Variants in ATE1 observed in about 807,000 individuals in gnomAD.
ATE1 encodes the protein arginyl-tRNA--protein transferase 1.
Under a neutral mutation model 70.5 loss-of-function variants are expected in ATE1, and 36 were observed. That is an observed-to-expected ratio of 0.51 (90% CI 0.39 to 0.67). The LOEUF (loss-of-function observed/expected upper bound fraction) is 0.67. ATE1 is among the 30% of genes least tolerant of loss of function. The pLI is 0.00. For missense variants in ATE1, 593 were observed against 629.5 expected (o/e 0.94, Z 0.62); for synonymous variants, 232 against 219.3 (o/e 1.06, Z -0.51).
intron 11 of ATE1, among the ~76,000 whole-genome samples, chr10:121,783,634 GGGCTTTATTTTTATTTT>G (rs1467140407): frequency 1.3e-5 from 2 of 151,978 alleles, no homozygotes; most frequent in African/African-American, 2.4e-5. Context: ...TAGCTGGTAT[GGGCTTTATTTTTATTTT>G]TTAATTGGCA....
chr10:121,907,008 G>A (rs1314423290), intron 5 of ATE1, among the ~76,000 whole-genome samples: 3 of 152,152 alleles, frequency 2.0e-5, no homozygotes, highest in African/African-American at 7.2e-5. Flanking sequence ...CCATACTGCT[G>A]GAAGTAAGGT....
intron 10 of ATE1, among the ~76,000 whole-genome samples, chr10:121,813,621 C>A (rs1268641319): frequency 5.9e-5 from 9 of 152,114 alleles, no homozygotes; most frequent in Non-Finnish European, 1.3e-4. Context: ...GGTCAGGCCT[C>A]CAGAGAATTC....
At chr10:121,784,563 T>C (rs763044065) in intron 11 of ATE1, among the ~76,000 whole-genome samples, 1 of 151,950 alleles carries the variant, frequency 6.6e-6, no homozygotes, top group Non-Finnish European at 1.5e-5. Context: ...TAAAAAAAAA[T>C]AGTAATAATA....
intron 9 of ATE1, among the ~76,000 whole-genome samples, chr10:121,838,855 TA>T (rs1174519301): frequency 1.3e-5 from 2 of 151,640 alleles, no homozygotes; most frequent in African/African-American, 2.4e-5. Flanking sequence ...AAAAATGAAT[TA>T]AAAAAATAAA....
chr10:121,819,387 A>G (rs1947689617), intron 10 of ATE1, among the ~76,000 whole-genome samples: 1 of 152,168 alleles, frequency 6.6e-6, no homozygotes, highest in Non-Finnish European at 1.5e-5. Context: ...TTTTATATAC[A>G]TGGGCTCATA....
chr10:121,911,926 T>C (rs1056362644), intron 4 of ATE1, among the ~76,000 whole-genome samples: 7 of 152,104 alleles, frequency 4.6e-5, no homozygotes, highest in Non-Finnish European at 1.5e-5. Flanking sequence ...TTTTGCATTT[T>C]TAATACAGAC....
intron 3 of ATE1, among the ~76,000 whole-genome samples, chr10:121,918,895 G>C (rs1238588420): frequency 6.6e-6 from 1 of 152,078 alleles, no homozygotes; most frequent in Non-Finnish European, 1.5e-5. Context: ...ATTGTAAAAC[G>C]CCCCAATCGG....
intron 11 of ATE1, among the ~76,000 whole-genome samples, chr10:121,752,995 T>G (rs1413974180): frequency 2.0e-5 from 3 of 152,234 alleles, no homozygotes; most frequent in Non-Finnish European, 4.4e-5. Context: ...TTTTCTTCAC[T>G]TATTTAGGTC....
intron 9 of ATE1, among the ~76,000 whole-genome samples, chr10:121,840,680 T>A (rs927453759): frequency 6.6e-6 from 1 of 151,830 alleles, no homozygotes; most frequent in Non-Finnish European, 1.5e-5. Flanking sequence ...AGATAGTACC[T>A]TATAAATACA....
intron 11 of ATE1, among the ~76,000 whole-genome samples, chr10:121,785,804 T>G (rs1212035533): frequency 6.6e-6 from 1 of 152,314 alleles, no homozygotes; most frequent in South Asian, 2.1e-4. Context: ...AGTCTCTTTA[T>G]AGCAAATTTA....
chr10:121,806,509 G>A (rs1947103465), intron 10 of ATE1, among the ~76,000 whole-genome samples: 2 of 152,120 alleles, frequency 1.3e-5, no homozygotes, highest in African/African-American at 4.8e-5. Context: ...TTAAACCCAG[G>A]ATTGAGGGGG....
At chr10:121,876,693 G>A (rs1395475375) in intron 7 of ATE1, among the ~76,000 whole-genome samples, 17 of 152,238 alleles carry the variant, frequency 1.1e-4, no homozygotes, top group African/African-American at 2.4e-4. Flanking sequence ...GCTGCCGGGC[G>A]CGGTGGCTCA....
At chr10:121,927,761 C>T (rs2134683915) in intron 1 of ATE1, 83 bp downstream of exon 1, 1 of 1,448,310 alleles carries the variant, frequency 6.9e-7, no homozygotes, top group Admixed American at 2.4e-5. Context: ...GGGCTCCGGC[C>T]CCCTCGCGTC....
At chr10:121,779,093 C>G (rs1176912932) in intron 11 of ATE1, among the ~76,000 whole-genome samples, 2 of 152,168 alleles carry the variant, frequency 1.3e-5, no homozygotes, top group Admixed American at 6.5e-5. Flanking sequence ...TCACATACCC[C>G]ACTACTCTAG....
intron 10 of ATE1, among the ~76,000 whole-genome samples, chr10:121,809,925 G>A (rs1947252331): frequency 6.6e-6 from 1 of 151,852 alleles, no homozygotes; most frequent in South Asian, 2.1e-4. Context: ...AATGCACCCA[G>A]AGGTTAGTGG....
chr10:121,917,167 A>G (rs903616758), intron 3 of ATE1, among the ~76,000 whole-genome samples: 1 of 152,098 alleles, frequency 6.6e-6, no homozygotes. Context: ...CCATCTCAAA[A>G]AAAAAAATAG....
intron 10 of ATE1, among the ~76,000 whole-genome samples, chr10:121,817,865 G>C (rs931505392): frequency 2.0e-5 from 3 of 152,124 alleles, no homozygotes; most frequent in African/African-American, 7.2e-5. Context: ...TCCAACCCTA[G>C]GGCACTAACG....
intron 10 of ATE1, among the ~76,000 whole-genome samples, chr10:121,815,617 G>T (rs1947510558): frequency 6.6e-6 from 1 of 152,110 alleles, no homozygotes; most frequent in South Asian, 2.1e-4. Context: ...GGCTGCACAG[G>T]GTCATGAATT....
intron 7 of ATE1, among the ~76,000 whole-genome samples, chr10:121,876,241 G>T (rs1216207986): frequency 6.6e-6 from 1 of 152,136 alleles, no homozygotes; most frequent in African/African-American, 2.4e-5. Flanking sequence ...AATCACAAAA[G>T]CCCATAAAAC....
Sources: allele counts gnomAD v4.1 joint callset (sites outside exome capture counted in the v4.1 genomes callset), GRCh38; gene constraint gnomAD v4.1.1; transcripts MANE v1.5; gene names NCBI Gene and HGNC (gene_info 2026-07-23, HGNC 2026-07-21).